SPIN2B: variants seen among roughly 807,000 people sequenced by gnomAD.
SPIN2B encodes spindlin family member 2B.
In SPIN2B, 1 loss-of-function variant was observed where a neutral mutation model predicts 9.3. That is an observed-to-expected ratio of 0.11 (90% CI 0.04 to 0.51). The LOEUF is 0.51. Among genes scored for constraint, SPIN2B ranks in the 20% least tolerant of loss-of-function variants. The pLI is 0.94. For missense variants in SPIN2B, 32 were observed against 174.0 expected (o/e 0.18, Z 4.59); for synonymous variants, 15 against 63.4 (o/e 0.24, Z 3.63).
Position 57,120,221 on chromosome X carries a change from A to T in SPIN2B, c.409T>A (p.Phe137Ile). ...TIIGKAVEHMFEGEHGSKDEW... is the reference protein window; with the variant it reads ...TIIGKAVEHMIEGEHGSKDEW... ...TCCTTAGAACCATGCTCTCCCTCAAACATATGTTCCACTGCTTTGCCAATT... is the reference window on the plus strand; with the variant it reads ...TCCTTAGAACCATGCTCTCCCTCAATCATATGTTCCACTGCTTTGCCAATT... The change falls in exon 2 of 2, where the codon TTT becomes ATT. Residue 137 changes from phenylalanine (F) to isoleucine (I), a missense_variant. Physicochemically the swap from Phe to Ile is conservative, Grantham distance 21 (BLOSUM62 0). Coordinates refer to ENST00000434397, the MANE Select transcript of SPIN2B (RefSeq NM_001006681.2). The T allele has an allele frequency of 8.3e-7, 1 of 1,210,985 alleles. No homozygotes were observed. Among genetic ancestry groups the T allele is most frequent in the Non-Finnish European group, 1.1e-6 (1 of 895,202 alleles).
chrX:57,121,384 C>T lies in SPIN2B; in HGVS notation c.-149G>A. 2 of 648,812 alleles carry T rather than the reference C, an allele frequency of 3.1e-6. No individual in the cohort carries two copies. The highest frequency in any genetic ancestry group is 3.7e-6 in the Non-Finnish European group (2 of 542,370). The allele number at this position is 648,812 out of a possible 1,213,427, so 53.5% of individuals were successfully genotyped here. On this transcript the variant is annotated 5_prime_UTR_variant, in exon 1 of 2. Coordinates refer to ENST00000434397, the MANE Select transcript of SPIN2B (RefSeq NM_001006681.2). Reference sequence around the variant, plus strand: ...CTTGCAAGAGCGGGGAGGGTAGGATCCGTAGATGAGGAGCGTGTCTAGGAG... The same window carrying T: ...CTTGCAAGAGCGGGGAGGGTAGGATTCGTAGATGAGGAGCGTGTCTAGGAG...
chrX:57,121,146 CCA>C (rs1259972008), intron 1 of SPIN2B, 90 bp downstream of exon 1: 1 of 774,558 alleles, frequency 1.3e-6, no homozygotes, highest in Non-Finnish European at 1.5e-6. Flanking sequence ...CTCCCCCACC[CCA>C]CCCTTGCCTG....
intron 1 of SPIN2B, chrX:57,120,974 G>A (rs1569181080): frequency 2.9e-6 from 2 of 697,890 alleles, no homozygotes; most frequent in East Asian, 1.6e-4. Context: ...GCCTTGACCG[G>A]CACCCACTGC....
chrX:57,121,136 C>G, intron 1 of SPIN2B, 102 bp downstream of exon 1: 1 of 783,318 alleles, frequency 1.3e-6, no homozygotes, highest in Non-Finnish European at 1.5e-6. Flanking sequence ...GCTCACCGCA[C>G]TCCCCCACCC....
rs1927190710 is a variant in SPIN2B, at chrX:57,121,466, C to T, written c.-231G>A. ...GCGTCCCCACCGCTTGGCTCGCTAG[C>T]CCTCCGCCTCCCTGCTGGCGGTGGC... On this transcript the variant is annotated 5_prime_UTR_variant, in exon 1 of 2. Transcript: ENST00000434397. 4.6e-6 allele frequency: 1 copy of T among 217,944 alleles called. No individual in the cohort carries two copies. The highest frequency in any genetic ancestry group is 3.0e-5 in the African/African-American group (1 of 33,026). The allele number at this position is 217,944 out of a possible 1,213,427, so 18.0% of individuals were successfully genotyped here. A position where few individuals can be genotyped will look rare whatever the true frequency, so the allele number is the denominator to read the frequency against.
intron 1 of SPIN2B, among the ~76,000 whole-genome samples, chrX:57,120,868 G>C (rs2146895149): frequency 9.4e-6 from 1 of 106,662 alleles, no homozygotes; most frequent in South Asian, 4.4e-4. Context: ...GAACTCTGCA[G>C]AAGTGGCTGG....
At chrX:57,121,101 C>G (rs1298605668) in intron 1 of SPIN2B, 137 bp downstream of exon 1, 6 of 810,315 alleles carry the variant, frequency 7.4e-6, no homozygotes, top group Non-Finnish European at 8.9e-6. Context: ...TTGTCTGGCT[C>G]CCGTTCCTAC....
intron 1 of SPIN2B, among the ~76,000 whole-genome samples, chrX:57,120,857 G>A (rs1927078655): frequency 9.5e-6 from 1 of 105,261 alleles, no homozygotes; most frequent in African/African-American, 3.5e-5. Flanking sequence ...TCTGGGGTTA[G>A]GAACTCTGCA....
Position 57,121,455 on chromosome X carries a change from T to C in SPIN2B, c.-220A>G. On this transcript the variant is annotated 5_prime_UTR_variant, in exon 1 of 2. Coordinates refer to ENST00000434397, the MANE Select transcript of SPIN2B (RefSeq NM_001006681.2). ...GGAAGGCAGCGGCGTCCCCACCGCT[T>C]GGCTCGCTAGCCCTCCGCCTCCCTG... 3.4e-6 allele frequency: 1 copy of C among 295,644 alleles called. No homozygotes were observed. The highest frequency in any genetic ancestry group is 4.5e-6 in the Non-Finnish European group (1 of 219,869). The allele number at this position is 295,644 out of a possible 1,213,427, so 24.4% of individuals were successfully genotyped here.
intron 1 of SPIN2B, 26 bp downstream of exon 1, chrX:57,121,212 A>G: frequency 3.3e-5 from 25 of 750,920 alleles, no homozygotes; most frequent in Non-Finnish European, 3.9e-5. Flanking sequence ...CCCCCTCTCC[A>G]TTCTGGCGCC....
Position 57,121,479 on chromosome X carries a change from T to A in SPIN2B, c.-244A>T. 5.2e-6 allele frequency: 1 copy of A among 191,782 alleles called. No homozygotes were observed. The highest frequency in any genetic ancestry group is 8.0e-6 in the Non-Finnish European group (1 of 124,897). The allele number at this position is 191,782 out of a possible 1,213,427, so 15.8% of individuals were successfully genotyped here. A position where few individuals can be genotyped will look rare whatever the true frequency, so the allele number is the denominator to read the frequency against. The stretch of plus-strand genomic sequence containing the variant: ...TTGGCTCGCTAGCCCTCCGCCTCCC[T>A]GCTGGCGGTGGCGGCCCCTCAGCCA... On this transcript the variant is annotated 5_prime_UTR_variant, in exon 1 of 2. Coordinates refer to ENST00000434397, the MANE Select transcript of SPIN2B (RefSeq NM_001006681.2).
At chrX:57,121,162 C>G (rs1927142282) in intron 1 of SPIN2B, 76 bp downstream of exon 1, 4 of 767,951 alleles carry the variant, frequency 5.2e-6, no homozygotes, top group Admixed American at 7.3e-5. Context: ...TTGCCTGGCG[C>G]CCAACTCCAC....
At chrX:57,120,953 C>A in intron 1 of SPIN2B, 1 of 647,890 alleles carries the variant, frequency 1.5e-6, no homozygotes, top group Non-Finnish European at 1.8e-6. Flanking sequence ...TTCCAATCCC[C>A]TTGCAAAGAG....
intron 1 of SPIN2B, 199 bp downstream of exon 1, chrX:57,121,039 C>G (rs1414703145): frequency 2.7e-5 from 20 of 751,997 alleles, no homozygotes; most frequent in Non-Finnish European, 3.1e-5. Context: ...CCTACCCTAA[C>G]CACTTCTCTG....
chrX:57,121,387 T>C lies in SPIN2B; in HGVS notation c.-152A>G. 1 of 634,880 alleles carries C rather than the reference T, an allele frequency of 1.6e-6. No individual in the cohort carries two copies. The highest frequency in any genetic ancestry group is 2.4e-5 in the African/African-American group (1 of 41,539). The allele number at this position is 634,880 out of a possible 1,213,427, so 52.3% of individuals were successfully genotyped here. On this transcript the variant is annotated 5_prime_UTR_variant, in exon 1 of 2. Transcript: ENST00000434397. The stretch of plus-strand genomic sequence containing the variant: ...GCAAGAGCGGGGAGGGTAGGATCCG[T>C]AGATGAGGAGCGTGTCTAGGAGGGC...
In SPIN2B at chrX:57,121,471, C is replaced by T. The variant is rs1039349264; in HGVS notation, c.-236G>A. 5.7e-4 allele frequency: 122 copies of T among 215,542 alleles called. No individual in the cohort carries two copies. Among genetic ancestry groups the T allele is most frequent in the Non-Finnish European group, 7.9e-4 (117 of 147,717 alleles). The allele number at this position is 215,542 out of a possible 1,213,427, so 17.8% of individuals were successfully genotyped here. ...CCCACCGCTTGGCTCGCTAGCCCTC[C>T]GCCTCCCTGCTGGCGGTGGCGGCCC... On this transcript the variant is annotated 5_prime_UTR_variant, in exon 1 of 2. Coordinates refer to ENST00000434397, the MANE Select transcript of SPIN2B (RefSeq NM_001006681.2).
Position 57,121,341 on chromosome X carries a change from C to A in SPIN2B, c.-106G>T. 4.1e-6 allele frequency: 3 copies of A among 733,518 alleles called. No individual in the cohort carries two copies. Among genetic ancestry groups the A allele is most frequent in the Non-Finnish European group, 4.8e-6 (3 of 619,444 alleles). 60.5% of individuals were successfully genotyped at this position (733,518 alleles called of 1,213,427 possible). Reference sequence around the variant, plus strand: ...CCTGTGGCGAAGGAGGGTCAGCAGGCGACCGGCCGAGTGAATGCTTGCAAG... The same window carrying A: ...CCTGTGGCGAAGGAGGGTCAGCAGGAGACCGGCCGAGTGAATGCTTGCAAG... On this transcript the variant is annotated 5_prime_UTR_variant, in exon 1 of 2. Coordinates refer to ENST00000434397, the MANE Select transcript of SPIN2B (RefSeq NM_001006681.2).
chrX:57,121,481 C>CAGGG lies in SPIN2B; in HGVS notation c.-247_-246insCCCT. ...GGCTCGCTAGCCCTCCGCCTCCCTG[C>CAGGG]TGGCGGTGGCGGCCCCTCAGCCACA... is the stretch of plus-strand genomic sequence containing the variant. On this transcript the variant is annotated 5_prime_UTR_variant, in exon 1 of 2. It removes the in-frame stop codon of an upstream open reading frame in the 5' UTR. Coordinates refer to ENST00000434397, the MANE Select transcript of SPIN2B (RefSeq NM_001006681.2). 5.4e-6 allele frequency: 1 copy of CAGGG among 185,841 alleles called. No individual in the cohort carries two copies. Among genetic ancestry groups the CAGGG allele is most frequent in the Non-Finnish European group, 8.4e-6 (1 of 119,340 alleles). The allele number at this position is 185,841 out of a possible 1,213,427, so 15.3% of individuals were successfully genotyped here.
chrX:57,120,797 T>A (rs1212386307), intron 1 of SPIN2B, among the ~76,000 whole-genome samples, 166 bp from the exon 2 acceptor site: 2 of 94,934 alleles, frequency 2.1e-5, no homozygotes, highest in Admixed American at 1.2e-4. Context: ...GCTCTCCCTC[T>A]TAAGTTCCTT....
Sources: gnomAD v4.1 joint callset for allele counts (sites outside exome capture counted in the v4.1 genomes callset) on GRCh38, gnomAD v4.1.1 for gene constraint, MANE v1.5 for transcripts, NCBI Gene and HGNC (gene_info 2026-07-23, HGNC 2026-07-21) for gene names.